The following ASS1 variants were observed in gnomAD, a reference collection of about 807,000 sequenced individuals.
ASS1 encodes the protein argininosuccinate synthase 1.
In ASS1, 58 loss-of-function variants were observed where a neutral mutation model predicts 60.5. The observed-to-expected ratio is 0.96, with a 90% CI of 0.78 to 1.19. The LOEUF (loss-of-function observed/expected upper bound fraction) is 1.19. ASS1 is among the 50% of genes most tolerant of loss of function. The pLI, the probability that ASS1 is intolerant of heterozygous loss-of-function variation, is 0.00. For missense variants in ASS1, 454 were observed against 547.3 expected (o/e 0.83, Z 1.70); for synonymous variants, 200 against 206.9 (o/e 0.97, Z 0.29).
chr9:130,467,857 C>T lies in ASS1; in HGVS notation c.495+1058C>T, dbSNP rs931208576. On this transcript the variant is annotated intron_variant, in intron 6 of 14. Coordinates refer to ENST00000352480, the MANE Select transcript of ASS1 (RefSeq NM_054012.4). ...AGTCCTGGATAGAGAGGGGCAGGGC[C>T]GACCCATACGTTGCCCTTTCTTTCC... Among the ~76,000 whole-genome samples, 10 of 152,266 alleles carry T rather than the reference C, an allele frequency of 6.6e-5. No individual in the cohort carries two copies. The East Asian group carries it at 1.7e-3, about 26-fold the overall frequency.
rs962458695 is a variant in ASS1 at position 130,458,552 on chromosome 9, A to T, written c.326A>T (p.Glu109Val). The T allele has an allele frequency of 1.2e-6, 2 of 1,613,156 alleles. No individual in the cohort carries two copies. Among genetic ancestry groups the T allele is most frequent in the Non-Finnish European group, 1.7e-6 (2 of 1,179,890 alleles). Residue 109 changes from glutamate (E) to valine (V), a missense_variant, in exon 4 of 15, where the codon GAG becomes GTG. Coordinates refer to ENST00000352480, the MANE Select transcript of ASS1 (RefSeq NM_054012.4). ...ARKQVEIAQR[E>V]GAKYVSHGAT... ...AAACAAGTGGAAATCGCCCAGCGGG[A>T]GGGGGCCAAGTATGTGTCCCACGGC...
chr9:130,486,476 T>G (rs1846308749), intron 11 of ASS1, among the ~76,000 whole-genome samples: 1 of 152,182 alleles, frequency 6.6e-6, no homozygotes, highest in African/African-American at 2.4e-5. Flanking sequence ...GCCATCAGCC[T>G]TTTTACCCCT....
chr9:130,461,473 C>CG (rs34003213), intron 4 of ASS1, among the ~76,000 whole-genome samples: 51,096 of 151,960 alleles, frequency 0.34, 10,670 homozygotes, highest in East Asian at 0.6. Context: ...AGAACGCCCC[C>CG]CAAGCTAGTG....
chr9:130,496,986 TCTC>T (rs1244615194), intron 13 of ASS1, among the ~76,000 whole-genome samples: 2 of 152,234 alleles, frequency 1.3e-5, no homozygotes, highest in East Asian at 3.8e-4. Context: ...TTCTTTCCCT[TCTC>T]CTTGCCATGT....
At chr9:130,463,626 C>T (rs1271641754) in intron 4 of ASS1, among the ~76,000 whole-genome samples, 1 of 152,194 alleles carries the variant, frequency 6.6e-6, no homozygotes, top group Non-Finnish European at 1.5e-5. Context: ...CTGACACCAG[C>T]CATTGAAGAG....
intron 4 of ASS1, among the ~76,000 whole-genome samples, chr9:130,463,093 G>A (rs1442167172): frequency 6.6e-6 from 1 of 152,274 alleles, no homozygotes; most frequent in East Asian, 1.9e-4. Context: ...CAGAGAGGCT[G>A]AACCCTGGAT....
chr9:130,494,904 C>T lies in ASS1; in HGVS notation c.1008C>T (p.His336=). The change falls in exon 13 of 15, where the codon CAC becomes CAT. Residue 336 remains histidine, a synonymous_variant. Coordinates refer to ENST00000352480, the MANE Select transcript of ASS1 (RefSeq NM_054012.4). The surrounding 1 kb of genome is among the most constrained non-coding windows in gnomAD (Gnocchi z 4.3). ...WHSPECEFVR[H]CIAKSQERVE... ...GCCCTGAGTGTGAATTTGTCCGCCA[C>T]TGCATCGCCAAGTCCCAGGAGCGAG... The T allele has an allele frequency of 1.2e-6, 2 of 1,613,504 alleles. No homozygotes were observed. Among genetic ancestry groups the T allele is most frequent in the African/African-American group, 1.3e-5 (1 of 75,048 alleles).
chr9:130,467,054 G>A (rs1651492272), intron 6 of ASS1, among the ~76,000 whole-genome samples: 1 of 152,226 alleles, frequency 6.6e-6, no homozygotes, highest in South Asian at 2.1e-4. Flanking sequence ...CCGAGCCAGA[G>A]GACACAGGGC....
intron 3 of ASS1, among the ~76,000 whole-genome samples, chr9:130,457,215 T>C (rs1222916432): frequency 1.3e-5 from 2 of 152,232 alleles, no homozygotes; most frequent in East Asian, 3.9e-4. Flanking sequence ...TGTTTTTCTT[T>C]TTTAGCCTCC....
intron 3 of ASS1, 50 bp from the exon 4 acceptor site, chr9:130,458,351 A>G (rs1322763805): frequency 1.9e-6 from 3 of 1,610,540 alleles, no homozygotes; most frequent in Non-Finnish European, 1.7e-6. Context: ...TGTATGCCAG[A>G]TGGCCCCTGT....
chr9:130,497,764 GA>G (rs1044860678), intron 13 of ASS1, among the ~76,000 whole-genome samples: 9 of 152,164 alleles, frequency 5.9e-5, no homozygotes, highest in African/African-American at 1.9e-4. Context: ...GAGGTGGGGG[GA>G]TTCTGTGTCC....
chr9:130,483,929 G>T (rs560428754), intron 11 of ASS1, among the ~76,000 whole-genome samples: 3 of 152,046 alleles, frequency 2.0e-5, no homozygotes, highest in African/African-American at 4.8e-5. Context: ...AAGGAACAAG[G>T]GCTGTCACCC....
At chr9:130,451,532 C>T in intron 1 of ASS1, 1 of 331,510 alleles carries the variant, frequency 3.0e-6, no homozygotes, top group Admixed American at 4.3e-5. Context: ...AGTGAAGGTT[C>T]CATGGGGTTG....
intron 11 of ASS1, among the ~76,000 whole-genome samples, chr9:130,480,883 C>G (rs1166799797): frequency 1.3e-5 from 2 of 152,252 alleles, no homozygotes; most frequent in African/African-American, 2.4e-5. Context: ...TGTGGCTGCA[C>G]AGGCACTGGG....
chr9:130,455,601 A>C (rs1272644950), intron 3 of ASS1, among the ~76,000 whole-genome samples: 1 of 152,232 alleles, frequency 6.6e-6, no homozygotes, highest in Non-Finnish European at 1.5e-5. Flanking sequence ...CTTGATTGTG[A>C]ATCTAGGCAT....
chr9:130,457,659 G>A (rs1208843211), intron 3 of ASS1, among the ~76,000 whole-genome samples: 1 of 151,950 alleles, frequency 6.6e-6, no homozygotes, highest in Non-Finnish European at 1.5e-5. Flanking sequence ...CCCACTAGAT[G>A]CCAGAATTCC....
chr9:130,479,959 C>A (rs1846127565), intron 10 of ASS1, 159 bp downstream of exon 10: 5 of 909,710 alleles, frequency 5.5e-6, no homozygotes, highest in Admixed American at 1.8e-5. Flanking sequence ...ACCAGGGGGA[C>A]CCATTTGGCA....
chr9:130,479,654 C>G, intron 9 of ASS1, 62 bp from the exon 10 acceptor site: 1 of 1,315,826 alleles, frequency 7.6e-7, no homozygotes, highest in Non-Finnish European at 1.1e-6. Flanking sequence ...GGTGGGGTGG[C>G]GGGTGCAGAC....
intron 11 of ASS1, among the ~76,000 whole-genome samples, chr9:130,485,948 C>T (rs1564158797): frequency 6.6e-6 from 1 of 152,098 alleles, no homozygotes; most frequent in African/African-American, 2.4e-5. Context: ...TTTCTGGTGG[C>T]TTTTTTGGCA....
Sources: gnomAD v4.1 joint callset for allele counts (sites outside exome capture counted in the v4.1 genomes callset) on GRCh38, gnomAD v4.1.1 for gene constraint, Gnocchi (gnomAD v3.1) non-coding constraint, MANE v1.5 for transcripts, NCBI Gene and HGNC (gene_info 2026-07-23, HGNC 2026-07-21) for gene names.